RBPJ: variants seen among roughly 807,000 people sequenced by gnomAD.
RBPJ encodes the protein recombination signal binding protein for immunoglobulin kappa J region, also known as recombining binding protein suppressor of hairless.
RBPJ carries 9 observed loss-of-function variants against 67.8 expected under a neutral mutation model. The ratio of observed to expected loss-of-function variants is 0.13; its 90% confidence interval spans 0.08 to 0.23. RBPJ has a LOEUF of 0.23. RBPJ is among the 10% of genes least tolerant of loss of function. The pLI, the probability that RBPJ is intolerant of heterozygous loss-of-function variation, is 1.00. For synonymous variants in RBPJ, 198 were observed against 203.3 expected, an observed-to-expected ratio of 0.97 and a Z score of 0.22; for missense variants, 305 against 595.6, an observed-to-expected ratio of 0.51 and a Z score of 5.08.
intron 3 of RBPJ, among the ~76,000 whole-genome samples, chr4:26,407,250 G>GCT (rs1302790299): frequency 5.3e-5 from 8 of 151,086 alleles, no homozygotes; most frequent in African/African-American, 2.0e-4. Flanking sequence ...ACTGTCTTGA[G>GCT]CTTAGGTTAA....
At chr4:26,361,048 A>AGTGTGTGTGT (rs771047801) in intron 1 of RBPJ, among the ~76,000 whole-genome samples, 7,916 of 147,344 alleles carry the variant, frequency 0.054, 260 homozygotes, top group East Asian at 0.13. Context: ...TTCAGGAGTG[A>AGTGTGTGTGT]GTGTGTGTGC....
chr4:26,230,863 C>CATGAAGTGTG (rs1167395559), intron 1 of RBPJ, among the ~76,000 whole-genome samples: 1 of 152,110 alleles, frequency 6.6e-6, no homozygotes, highest in Non-Finnish European at 1.5e-5. Context: ...GATCCCTTGT[C>CATGAAGTGTG]ATGAAGTGTG....
upstream of RBPJ, among the ~76,000 whole-genome samples, chr4:26,162,096 A>G (rs936231126): frequency 1.4e-4 from 22 of 152,214 alleles, no homozygotes; most frequent in African/African-American, 5.3e-4. Context: ...GGAAGCTAAA[A>G]TGGCATAAAC....
At chr4:26,114,748 T>A in the RBPJ span, among the ~76,000 whole-genome samples, 1 of 152,112 alleles carries the variant, frequency 6.6e-6, no homozygotes, top group East Asian at 1.9e-4. Flanking sequence ...TATGGGTGTA[T>A]ATGTAAATAT....
At chr4:26,308,566 A>G (rs1453549019) in intron 1 of RBPJ, among the ~76,000 whole-genome samples, 2 of 152,254 alleles carry the variant, frequency 1.3e-5, no homozygotes, top group Non-Finnish European at 2.9e-5. Context: ...GACAATGTAC[A>G]ACTTTGCTTT....
At chr4:26,370,772 C>T (rs911962007) in intron 1 of RBPJ, among the ~76,000 whole-genome samples, 1 of 152,114 alleles carries the variant, frequency 6.6e-6, no homozygotes, top group Non-Finnish European at 1.5e-5. Context: ...TCCCTTTTCT[C>T]TCCATTGTAA....
chr4:26,276,604 C>CT (rs1721095929), intron 1 of RBPJ, among the ~76,000 whole-genome samples: 1 of 152,198 alleles, frequency 6.6e-6, no homozygotes, highest in Non-Finnish European at 1.5e-5. Flanking sequence ...CAGTGAAATT[C>CT]TGTCCCTGTT....
At chr4:26,220,574 C>T (rs1350527542) in intron 1 of RBPJ, among the ~76,000 whole-genome samples, 1 of 152,158 alleles carries the variant, frequency 6.6e-6, no homozygotes, top group Non-Finnish European at 1.5e-5. Flanking sequence ...GTCTTGAACT[C>T]CGGTCACAGC....
chr4:26,268,446 C>T (rs544536954), intron 1 of RBPJ, among the ~76,000 whole-genome samples: 144 of 152,284 alleles, frequency 9.5e-4, no homozygotes, highest in African/African-American at 3.4e-3. Flanking sequence ...GGTCTCTTTT[C>T]AGGCTTTGGG....
upstream of RBPJ, among the ~76,000 whole-genome samples, chr4:26,159,769 A>G (rs1031630007): frequency 1.3e-5 from 2 of 152,174 alleles, no homozygotes; most frequent in Non-Finnish European, 2.9e-5. Context: ...TCTTTCATAT[A>G]TCAGTACAGA....
intron 1 of RBPJ, among the ~76,000 whole-genome samples, chr4:26,332,221 T>TA (rs562758027): frequency 0.014 from 2,047 of 146,560 alleles, 41 homozygotes; most frequent in African/African-American, 0.041. Flanking sequence ...ATTGTAATGT[T>TA]AAAAAAAAAA....
intron 1 of RBPJ, among the ~76,000 whole-genome samples, chr4:26,372,706 T>C (rs781461930): frequency 1.3e-5 from 2 of 152,216 alleles, no homozygotes; most frequent in Non-Finnish European, 2.9e-5. Flanking sequence ...TAATCAGTGC[T>C]TGGTGATCTG....
At chr4:26,156,683 G>C in the RBPJ span, among the ~76,000 whole-genome samples, 1 of 151,986 alleles carries the variant, frequency 6.6e-6, no homozygotes, top group East Asian at 1.9e-4. Context: ...TTGAACTCCT[G>C]ACCTCCGGTG....
At chr4:26,263,109 A>G (rs1321671595) in intron 1 of RBPJ, among the ~76,000 whole-genome samples, 1 of 152,154 alleles carries the variant, frequency 6.6e-6, no homozygotes, top group East Asian at 1.9e-4. Context: ...ATTGTACCCT[A>G]TGGCTCTCTT....
chr4:26,360,581 C>T (rs919124480), intron 1 of RBPJ, among the ~76,000 whole-genome samples: 2 of 137,942 alleles, frequency 1.4e-5, no homozygotes, highest in African/African-American at 5.4e-5. Context: ...GTTTTCTAGA[C>T]AGTTTCATAG....
At chr4:26,327,940 G>A (rs1723812760) in intron 1 of RBPJ, among the ~76,000 whole-genome samples, 1 of 152,064 alleles carries the variant, frequency 6.6e-6, no homozygotes, top group Non-Finnish European at 1.5e-5. Flanking sequence ...ATGTAATATT[G>A]TAGTTTTTTT....
chr4:26,107,141 T>C, the RBPJ span, among the ~76,000 whole-genome samples: 1 of 152,242 alleles, frequency 6.6e-6, no homozygotes. Context: ...GATTCAACTC[T>C]GGGCAATCCC....
At chr4:26,269,705 T>A (rs1283895863) in intron 1 of RBPJ, among the ~76,000 whole-genome samples, 1 of 152,104 alleles carries the variant, frequency 6.6e-6, no homozygotes, top group African/African-American at 2.4e-5. Flanking sequence ...TAGTGGAAGC[T>A]CATTAAATGG....
At chr4:26,409,042 C>G (rs1292726234) in intron 3 of RBPJ, among the ~76,000 whole-genome samples, 1 of 152,144 alleles carries the variant, frequency 6.6e-6, no homozygotes, top group Non-Finnish European at 1.5e-5. Context: ...TTTCTTTTCT[C>G]TGGATTTTTG....
Sources: gnomAD v4.1 joint callset for allele counts (sites outside exome capture counted in the v4.1 genomes callset) on GRCh38, gnomAD v4.1.1 for gene constraint, MANE v1.5 for transcripts, NCBI Gene and HGNC (gene_info 2026-07-23, HGNC 2026-07-21) for gene names.